TP53BP2: variants seen among roughly 807,000 people sequenced by gnomAD.
The protein encoded by TP53BP2 is tumor protein p53 binding protein 2, also known as apoptosis-stimulating of p53 protein 2.
TP53BP2 carries 62 observed loss-of-function variants against 126.2 expected under a neutral mutation model. The ratio of observed to expected loss-of-function variants is 0.49; its 90% CI spans 0.40 to 0.61. The LOEUF is 0.61. Among genes scored for constraint, TP53BP2 ranks in the 20% least tolerant of loss-of-function variants. The pLI is 0.00. For synonymous variants in TP53BP2, 485 were observed against 502.9 expected, an observed-to-expected ratio of 0.96 and a Z score of 0.48; for missense variants, 1,215 against 1,402.8, an observed-to-expected ratio of 0.87 and a Z score of 2.14.
intron 2 of TP53BP2, among the ~76,000 whole-genome samples, chr1:223,815,334 T>C (rs1423932120): frequency 3.9e-5 from 6 of 152,142 alleles, no homozygotes; most frequent in African/African-American, 1.4e-4. Context: ...TAACATAACA[T>C]ACTGAGTTGA....
rs1337233236 is a variant in TP53BP2, at chr1:223,821,284, C to G, written c.111G>C (p.Val37=). ...PVTPETICRD[V]VDLCKEPGES... Reference sequence around the variant, plus strand: ...CGCCGGGTTCTTTGCACAGATCCACCACGTCTCTGCATATTGTTTCTGGAG... The same window carrying G: ...CGCCGGGTTCTTTGCACAGATCCACGACGTCTCTGCATATTGTTTCTGGAG... Residue 37 remains valine (V), a synonymous_variant, in exon 2 of 18, where the codon GTG becomes GTC. Transcript: ENST00000343537. 1 of 1,614,052 alleles carries G rather than the reference C, an allele frequency of 6.2e-7. No homozygotes were observed. The highest frequency in any genetic ancestry group is 8.5e-7 in the Non-Finnish European group (1 of 1,179,892).
At chr1:223,803,218 C>A (rs553099554) in intron 7 of TP53BP2, 53 bp downstream of exon 7, 156 of 1,544,412 alleles carry the variant, frequency 1.0e-4, no homozygotes, top group Non-Finnish European at 1.3e-4. Context: ...ATATGAGCAA[C>A]TCTGTTTCTG....
chr1:223,796,118 G>C lies in TP53BP2; in HGVS notation c.2421C>G (p.Val807=), dbSNP rs764302230. 15 of 1,614,086 alleles carry C rather than the reference G, an allele frequency of 9.3e-6. No individual in the cohort carries two copies. The highest frequency in any genetic ancestry group is 1.2e-5 in the Non-Finnish European group (14 of 1,180,042). ...GGGACAATGATTCAGGAACCAGAGA[G>C]ACCACCTCCTTTTCGGGCTCCACAT... ...YLHVEPEKEV[V]SLVPESLSPE... The change falls in exon 13 of 18, where the codon GTC becomes GTG. Residue 807 remains valine (V), a synonymous_variant. Coordinates refer to ENST00000343537, the MANE Select transcript of TP53BP2 (RefSeq NM_001031685.3). This position sits in a 1 kb window ranked among gnomAD's most constrained non-coding sequence, Gnocchi z 4.2.
At chr1:223,838,599 C>T (rs1664000063) in intron 1 of TP53BP2, among the ~76,000 whole-genome samples, 1 of 152,228 alleles carries the variant, frequency 6.6e-6, no homozygotes, top group Non-Finnish European at 1.5e-5. Context: ...GCGTCCCTGT[C>T]CTCCACTTCT....
chr1:223,803,763 C>T (rs1452435279), intron 6 of TP53BP2, among the ~76,000 whole-genome samples: 12 of 152,118 alleles, frequency 7.9e-5, no homozygotes, highest in African/African-American at 2.9e-4. Context: ...TATTAAACCA[C>T]AAACATTCTG....
intron 1 of TP53BP2, among the ~76,000 whole-genome samples, chr1:223,839,464 G>A (rs1298689896): frequency 2.0e-5 from 3 of 152,208 alleles, no homozygotes; most frequent in African/African-American, 7.2e-5. Context: ...TGGAAGAACA[G>A]TAAATTGCCT....
intron 1 of TP53BP2, among the ~76,000 whole-genome samples, chr1:223,832,491 C>T (rs748615228): frequency 2.0e-5 from 3 of 152,106 alleles, no homozygotes; most frequent in Non-Finnish European, 4.4e-5. Context: ...GAGGCAGGCC[C>T]GAAAATATTT....
intron 1 of TP53BP2, among the ~76,000 whole-genome samples, chr1:223,832,049 C>CAA (rs1030880277): frequency 1.1e-4 from 16 of 145,568 alleles, no homozygotes; most frequent in Admixed American, 1.1e-3. Flanking sequence ...AGAGGAAATA[C>CAA]AAAAAAAAAA....
intron 17 of TP53BP2, among the ~76,000 whole-genome samples, chr1:223,783,663 T>C (rs1484122934): frequency 1.3e-5 from 2 of 152,230 alleles, no homozygotes; most frequent in Non-Finnish European, 2.9e-5. Context: ...GCAGTCCCAT[T>C]GTACTACACT....
intron 4 of TP53BP2, among the ~76,000 whole-genome samples, chr1:223,809,433 C>A (rs1176934359): frequency 1.3e-5 from 2 of 151,652 alleles, no homozygotes; most frequent in Non-Finnish European, 2.9e-5. Context: ...TGGGTGTGGT[C>A]ACAGGCACCT....
chr1:223,804,314 T>C lies in TP53BP2; in HGVS notation c.509A>G (p.Gln170Arg). Residue 170 changes from glutamine (Q) to arginine (R), a missense_variant, in exon 6 of 18, where the codon CAG (glutamine) becomes CGG (arginine). Physicochemically the swap from Gln to Arg is conservative, Grantham distance 43. Coordinates refer to ENST00000343537, the MANE Select transcript of TP53BP2 (RefSeq NM_001031685.3). ...QRLKFLKQQD[Q>R]RQQQQVAEQE... Reference sequence around the variant, plus strand: ...CTCAGCAACTTGTTGCTGTTGTCGCTGATCTTGTTGTTTCAAAAACTTTAA... The same window carrying C: ...CTCAGCAACTTGTTGCTGTTGTCGCCGATCTTGTTGTTTCAAAAACTTTAA... The C allele has an allele frequency of 6.2e-7, 1 of 1,613,754 alleles. No homozygotes were observed.
intron 1 of TP53BP2, among the ~76,000 whole-genome samples, chr1:223,832,254 A>G (rs1663761568): frequency 6.6e-6 from 1 of 152,208 alleles, no homozygotes; most frequent in Non-Finnish European, 1.5e-5. Context: ...AAGTTTACCT[A>G]AGAGGAAGAA....
chr1:223,835,323 C>G (rs1424294110), intron 1 of TP53BP2, among the ~76,000 whole-genome samples: 1 of 152,206 alleles, frequency 6.6e-6, no homozygotes, highest in Non-Finnish European at 1.5e-5. Context: ...AACGTATCCT[C>G]TAAAGCAACT....
chr1:223,802,904 AAG>A lies in TP53BP2; in HGVS notation c.832-11_832-10del, dbSNP rs747407648. The A allele has an allele frequency of 1.2e-6, 2 of 1,613,782 alleles. No individual in the cohort carries two copies. Among genetic ancestry groups the A allele is most frequent in the African/African-American group, 2.7e-5 (2 of 74,940 alleles). On this transcript the variant is annotated splice_polypyrimidine_tract_variant and intron_variant, in intron 7 of 17. Coordinates refer to ENST00000343537, the MANE Select transcript of TP53BP2 (RefSeq NM_001031685.3). ...TTCAATTTGTTTCTTAGCTGAATAAAAGAGAGGGGAAAAAAGGTAGCCAAGGA... is the reference window on the plus strand; with the variant it reads ...TTCAATTTGTTTCTTAGCTGAATAAAAGAGGGGAAAAAAGGTAGCCAAGGA...
chr1:223,820,234 G>A (rs1663252099), intron 2 of TP53BP2, among the ~76,000 whole-genome samples: 1 of 152,164 alleles, frequency 6.6e-6, no homozygotes, highest in African/African-American at 2.4e-5. Context: ...AAAAGCTGCA[G>A]GAAGAAGCAG....
At chr1:223,788,069 T>C (rs776749645) in intron 16 of TP53BP2, among the ~76,000 whole-genome samples, 4 of 133,666 alleles carry the variant, frequency 3.0e-5, no homozygotes, top group Non-Finnish European at 6.1e-5. Flanking sequence ...ACCTCGCCTC[T>C]AAAAAAATAA....
At chr1:223,792,777 T>C (rs1328010294) in intron 14 of TP53BP2, among the ~76,000 whole-genome samples, 2 of 151,630 alleles carry the variant, frequency 1.3e-5, no homozygotes, top group Admixed American at 1.3e-4. Context: ...AGAAACTATA[T>C]CCTTATAGTC....
In TP53BP2 at chr1:223,796,290, G is replaced by A. The variant is rs1189835747; in HGVS notation, c.2249C>T (p.Pro750Leu). The A allele has an allele frequency of 6.2e-7, 1 of 1,614,158 alleles. No homozygotes were observed. The highest frequency in any genetic ancestry group is 1.3e-5 in the African/African-American group (1 of 75,032). The change falls in exon 13 of 18, where the codon CCT becomes CTT. Residue 750 changes from proline (P) to leucine (L), a missense_variant. Pro to Leu is a moderately conservative substitution (Grantham distance 98). Around this residue, in one of 4 missense-constraint regions of TP53BP2, gnomAD observed 46 missense variants for 93.0 expected, o/e 0.49. Coordinates refer to ENST00000343537, the MANE Select transcript of TP53BP2 (RefSeq NM_001031685.3). The surrounding 1 kb of genome is among the most constrained non-coding windows in gnomAD (Gnocchi z 4.2). ...AAGCTTCTGAATATTTGGCCCATTA[G>A]GACCCTCTGGCTCTGTAATAGAACT... ...KRSSITEPEG[P>L]NGPNIQKLLY...
chr1:223,798,200 C>A lies in TP53BP2; in HGVS notation c.1948+15G>T. On this transcript the variant is annotated intron_variant, in intron 12 of 17. Transcript: ENST00000343537. ...AGAACTTAAGCACGTCACCTATGAA[C>A]GTTAAGAACCTTACCACTTGAAAAG... The A allele has an allele frequency of 1.2e-6, 2 of 1,603,246 alleles. No individual in the cohort carries two copies. The highest frequency in any genetic ancestry group is 2.2e-5 in the South Asian group (2 of 89,898).
Sources: allele counts gnomAD v4.1 joint callset (sites outside exome capture counted in the v4.1 genomes callset), GRCh38; gene constraint gnomAD v4.1.1; regional missense constraint gnomAD v4.1.1; non-coding constraint Gnocchi (gnomAD v3.1); transcripts MANE v1.5; gene names NCBI Gene and HGNC (gene_info 2026-07-23, HGNC 2026-07-21).